Variants in CD163L1 observed in about 807,000 individuals in gnomAD.
CD163L1 encodes the protein CD163 molecule like 1.
Under a neutral mutation model 165.4 loss-of-function variants are expected in CD163L1, and 124 were observed. The observed-to-expected ratio is 0.75, with a 90% CI of 0.65 to 0.87. CD163L1 has a LOEUF of 0.87. Among genes scored for constraint, CD163L1 ranks in the 40% least tolerant of loss-of-function variants. The pLI is 0.00. For synonymous variants in CD163L1, 585 were observed against 662.2 expected, an observed-to-expected ratio of 0.88 and a Z score of 1.79; for missense variants, 1,525 against 1,799.9, an observed-to-expected ratio of 0.85 and a Z score of 2.76.
intron 2 of CD163L1, among the ~76,000 whole-genome samples, chr12:7,440,338 A>G (rs980110916): frequency 6.6e-6 from 1 of 151,312 alleles, no homozygotes; most frequent in African/African-American, 2.4e-5. Flanking sequence ...GCCGCCGCCC[A>G]CCGGCCCTGC....
chr12:7,408,278 G>A (rs756248170), intron 4 of CD163L1, among the ~76,000 whole-genome samples: 1 of 152,040 alleles, frequency 6.6e-6, no homozygotes, highest in African/African-American at 2.4e-5. Context: ...ATTTGTGTGT[G>A]TACAGTTCTT....
At chr12:7,339,114 A>G in the CD163L1 span, among the ~76,000 whole-genome samples, 1 of 152,188 alleles carries the variant, frequency 6.6e-6, no homozygotes, top group African/African-American at 2.4e-5. Flanking sequence ...AAACAAGAAA[A>G]TAATGCTTGC....
chr12:7,436,675 G>C (rs1948718007), intron 2 of CD163L1, among the ~76,000 whole-genome samples: 1 of 151,586 alleles, frequency 6.6e-6, no homozygotes, highest in African/African-American at 2.4e-5. Context: ...CTGGCTGACA[G>C]AGTGAAACTC....
Position 7,438,784 on chromosome 12 carries a change from G to A in CD163L1, c.124+2370C>T. On this transcript the variant is annotated intron_variant, in intron 2 of 19. Transcript: ENST00000313599. ...TGCCTCCCGTGGCCCTTACCTCCTC[G>A]GCTGAGTCCATGGACCAGAGGCCTC... 4 of 1,474,850 alleles carry A rather than the reference G, an allele frequency of 2.7e-6. No individual in the cohort carries two copies. In the East Asian group the frequency reaches 6.8e-5, roughly 25 times the overall value. The allele number at this position is 1,474,850 out of a possible 1,614,324, so 91.4% of individuals were successfully genotyped here.
chr12:7,439,996 G>C, intron 2 of CD163L1: 1 of 1,536,674 alleles, frequency 6.5e-7, no homozygotes, highest in Non-Finnish European at 8.8e-7. Flanking sequence ...CATCCTAGCA[G>C]CTCCGCAAAC....
intron 2 of CD163L1, chr12:7,438,764 C>T: frequency 7.2e-7 from 1 of 1,384,450 alleles, no homozygotes; most frequent in Non-Finnish European, 9.8e-7. Context: ...TCTGCTGCCT[C>T]CCGTGGCCCT....
chr12:7,398,781 C>T lies in CD163L1; in HGVS notation c.1409-197G>A, dbSNP rs879735766. Reference sequence around the variant, plus strand: ...TTTTGGAGAGAAGGTGTCTCTAAAGCATGAAACGACGACAGCAAATTTACT... The same window carrying T: ...TTTTGGAGAGAAGGTGTCTCTAAAGTATGAAACGACGACAGCAAATTTACT... On this transcript the variant is annotated intron_variant, in intron 6 of 19. Transcript: ENST00000313599. This position sits in a 1 kb window ranked among gnomAD's most constrained non-coding sequence, Gnocchi z 4.5. Among the ~76,000 whole-genome samples the T allele has an allele frequency of 6.6e-6, 1 of 152,144 alleles. No homozygotes were observed. The highest frequency in any genetic ancestry group is 1.5e-5 in the Non-Finnish European group (1 of 68,022).
downstream of CD163L1, among the ~76,000 whole-genome samples, chr12:7,351,213 T>C (rs1404394504): frequency 3.3e-5 from 5 of 152,100 alleles, no homozygotes; most frequent in Non-Finnish European, 5.9e-5. Flanking sequence ...TAAATATGTG[T>C]GTAATATGTG....
chr12:7,361,490 T>G (rs145653257), intron 18 of CD163L1, among the ~76,000 whole-genome samples: 4 of 152,254 alleles, frequency 2.6e-5, no homozygotes, highest in African/African-American at 9.6e-5. Flanking sequence ...TTCAGAGAAG[T>G]AAGTCTTCTC....
chr12:7,380,788 T>C (rs1947390694), intron 8 of CD163L1, among the ~76,000 whole-genome samples: 1 of 152,046 alleles, frequency 6.6e-6, no homozygotes, highest in Admixed American at 6.5e-5. Flanking sequence ...AATAAAAAAC[T>C]TTTTAAAAAA....
intron 6 of CD163L1, among the ~76,000 whole-genome samples, chr12:7,399,470 C>A (rs1947868631): frequency 6.6e-6 from 1 of 151,108 alleles, no homozygotes; most frequent in East Asian, 2.0e-4. Context: ...TCCCTTCTTT[C>A]CTTCCTTCCT....
intron 4 of CD163L1, among the ~76,000 whole-genome samples, chr12:7,431,889 C>T (rs1258295155): frequency 6.6e-6 from 1 of 152,074 alleles, no homozygotes. Context: ...GGTTCGGGTA[C>T]ATTTTGGACC....
intron 8 of CD163L1, among the ~76,000 whole-genome samples, chr12:7,383,556 C>T (rs1947456287): frequency 6.6e-6 from 1 of 152,124 alleles, no homozygotes; most frequent in South Asian, 2.1e-4. Flanking sequence ...CACCTAGGGT[C>T]CCATGGACAG....
intron 4 of CD163L1, among the ~76,000 whole-genome samples, chr12:7,423,875 T>A (rs1381499470): frequency 6.6e-6 from 1 of 152,134 alleles, no homozygotes; most frequent in Non-Finnish European, 1.5e-5. Flanking sequence ...ACCAGATGGA[T>A]TCACAGCCGA....
rs181960729 is a variant in CD163L1, at chr12:7,397,166, C to T, written c.1730-751G>A. On this transcript the variant is annotated intron_variant, in intron 7 of 19. Coordinates refer to ENST00000313599, the MANE Select transcript of CD163L1 (RefSeq NM_174941.6). ...TTCCTAATCAAATACTTACAGTAGG[C>T]AAAGTTCTGAGTGAACATATATTTG... Among the ~76,000 whole-genome samples, 52 of 152,264 alleles carry T rather than the reference C, an allele frequency of 3.4e-4. No individual in the cohort carries two copies. The East Asian group carries it at 9.8e-3, about 29-fold the overall frequency.
chr12:7,357,843 A>G (rs767261446), intron 18 of CD163L1, among the ~76,000 whole-genome samples: 8 of 152,256 alleles, frequency 5.3e-5, no homozygotes, highest in Admixed American at 3.3e-4. Context: ...ACTAAAAATT[A>G]TATTTAGGGA....
At chr12:7,403,163 T>A (rs950647471) in intron 6 of CD163L1, among the ~76,000 whole-genome samples, 2 of 150,938 alleles carry the variant, frequency 1.3e-5, no homozygotes, top group African/African-American at 4.9e-5. Context: ...TAAGCCTTAA[T>A]TTATAATCAG....
At chr12:7,382,360 C>T (rs1296382130) in intron 8 of CD163L1, among the ~76,000 whole-genome samples, 1 of 151,918 alleles carries the variant, frequency 6.6e-6, no homozygotes, top group African/African-American at 2.4e-5. Flanking sequence ...CCACCAAAAA[C>T]GATCAAAACA....
chr12:7,381,387 G>T (rs1328394975), intron 8 of CD163L1, among the ~76,000 whole-genome samples: 1 of 152,058 alleles, frequency 6.6e-6, no homozygotes, highest in South Asian at 2.1e-4. Flanking sequence ...TTACTACATT[G>T]GTTATTTTGA....
Sources: allele counts gnomAD v4.1 joint callset (sites outside exome capture counted in the v4.1 genomes callset), GRCh38; gene constraint gnomAD v4.1.1; non-coding constraint Gnocchi (gnomAD v3.1); transcripts MANE v1.5; gene names NCBI Gene and HGNC (gene_info 2026-07-23, HGNC 2026-07-21).